The following MAP2K6 variants were observed in gnomAD, a reference collection of about 807,000 sequenced individuals.
The protein encoded by MAP2K6 is mitogen-activated protein kinase kinase 6.
Under a neutral mutation model 53.7 loss-of-function variants are expected in MAP2K6, and 16 were observed. The observed-to-expected ratio is 0.30, with a 90% CI of 0.20 to 0.45. MAP2K6 has a LOEUF of 0.45. MAP2K6 is among the 20% of genes least tolerant of loss of function. MAP2K6 has a pLI of 1.00. For missense variants in MAP2K6, 204 were observed against 411.9 expected (o/e 0.50, Z 4.37); for synonymous variants, 132 against 143.1 (o/e 0.92, Z 0.55).
At chr17:69,437,064 C>T (rs1237412243) in intron 1 of MAP2K6, among the ~76,000 whole-genome samples, 2 of 152,060 alleles carry the variant, frequency 1.3e-5, no homozygotes, top group East Asian at 1.9e-4. Flanking sequence ...TGACCTCAGG[C>T]GATCCTCCCG....
rs75876148 is a variant in MAP2K6, at chr17:69,454,766, C to G, written c.16+39766C>G. ...TTTTTGTTATTAAGGCAACATAGGA[C>G]AATTCAAAAGGTAAATTCAAGGACT... On this transcript the variant is annotated intron_variant, in intron 1 of 11. Transcript: ENST00000590474. 1.1e-4 allele frequency among the ~76,000 whole-genome samples: 16 copies of G among 152,070 alleles called. No homozygotes were observed. The East Asian group carries it at 3.1e-3, about 29-fold the overall frequency.
In MAP2K6 at chr17:69,429,478, G is replaced by A. The variant is rs117932437; in HGVS notation, c.16+14478G>A. The stretch of plus-strand genomic sequence containing the variant: ...GTGAGAGAGAGAGAGTAAGAACCAA[G>A]CCATGGCAAAGCTGATTTTTAGATA... On this transcript the variant is annotated intron_variant, in intron 1 of 11. Transcript: ENST00000590474. Among the ~76,000 whole-genome samples, 686 of 151,570 alleles carry A rather than the reference G, an allele frequency of 4.5e-3. 9 individuals are homozygous for A. The highest frequency in any genetic ancestry group is 0.027 in the Admixed American group (406 of 15,190).
chr17:69,429,885 G>A (rs1906401479), intron 1 of MAP2K6, among the ~76,000 whole-genome samples: 1 of 152,190 alleles, frequency 6.6e-6, no homozygotes, highest in East Asian at 1.9e-4. Flanking sequence ...GGAAGGTGAA[G>A]CTGGGGTGTG....
At chr17:69,454,304 T>C (rs1907327479) in intron 1 of MAP2K6, among the ~76,000 whole-genome samples, 1 of 152,162 alleles carries the variant, frequency 6.6e-6, no homozygotes, top group Non-Finnish European at 1.5e-5. Context: ...CCAGAGAAAA[T>C]GATCAGGGCA....
chr17:69,459,154 G>T (rs1361819396), intron 1 of MAP2K6, among the ~76,000 whole-genome samples: 1 of 151,982 alleles, frequency 6.6e-6, no homozygotes. Context: ...ACAAATTCAG[G>T]TTTACTGTGA....
chr17:69,431,343 A>G (rs980090379), intron 1 of MAP2K6, among the ~76,000 whole-genome samples: 5 of 149,340 alleles, frequency 3.3e-5, no homozygotes, highest in Non-Finnish European at 5.9e-5. Context: ...TATATTATGC[A>G]TATAATTATG....
intron 1 of MAP2K6, among the ~76,000 whole-genome samples, chr17:69,469,464 A>G (rs1367873447): frequency 6.6e-6 from 1 of 152,204 alleles, no homozygotes; most frequent in Non-Finnish European, 1.5e-5. Context: ...GAGTCAAATG[A>G]GAAAAGTATC....
chr17:69,423,008 C>T (rs942337393), intron 1 of MAP2K6, among the ~76,000 whole-genome samples: 5 of 152,068 alleles, frequency 3.3e-5, no homozygotes, highest in Admixed American at 1.3e-4. Flanking sequence ...CTCAGCCTCC[C>T]GAGTAGCTGG....
chr17:69,445,882 T>G (rs1231826943), intron 1 of MAP2K6, among the ~76,000 whole-genome samples: 1 of 152,246 alleles, frequency 6.6e-6, no homozygotes, highest in African/African-American at 2.4e-5. Flanking sequence ...GTAAAGCTTG[T>G]GCAGGTCTCT....
intron 1 of MAP2K6, among the ~76,000 whole-genome samples, chr17:69,425,308 T>TC: frequency 6.6e-6 from 1 of 152,058 alleles, no homozygotes; most frequent in South Asian, 2.1e-4. Context: ...AGCAATGAAT[T>TC]CTTTTTTTTT....
chr17:69,549,935 A>G lies in MAP2K6; in HGVS notation c.*8182A>G, dbSNP rs940453185. On this transcript the variant is annotated 3_prime_UTR_variant, in exon 12 of 12. Coordinates refer to ENST00000590474, the MANE Select transcript of MAP2K6 (RefSeq NM_002758.4). ...AGTGATAAATGCAAAGGTTGGTGCT[A>G]AATTAGGAACCCCTTGAAGGAGCAA... 2.6e-5 allele frequency: 4 copies of G among 152,140 alleles called. No individual in the cohort carries two copies. Among genetic ancestry groups the G allele is most frequent in the Non-Finnish European group, 5.9e-5 (4 of 68,018 alleles). 9.4% of individuals were successfully genotyped at this position (152,140 alleles called of 1,614,324 possible).
intron 1 of MAP2K6, among the ~76,000 whole-genome samples, chr17:69,447,226 G>A (rs1246700922): frequency 2.0e-5 from 3 of 151,770 alleles, no homozygotes; most frequent in Admixed American, 6.6e-5. Flanking sequence ...TGGTCCACCC[G>A]CCTCGGCCTC....
At chr17:69,415,355 G>A (rs1905865951) in intron 1 of MAP2K6, among the ~76,000 whole-genome samples, 1 of 152,148 alleles carries the variant, frequency 6.6e-6, no homozygotes, top group African/African-American at 2.4e-5. Flanking sequence ...AAGTAATTTT[G>A]TATGCAACAG....
At position 69,458,631 on chromosome 17, in the gene MAP2K6, C is replaced by T. The variant is rs926556363; in HGVS notation, c.16+43631C>T. ...AGTTTCCCTGTTGCTGTTAATAGCA[C>T]TATCGTTCTCCTACTGTCCCTAGAT... On this transcript the variant is annotated intron_variant, in intron 1 of 11. Coordinates refer to ENST00000590474, the MANE Select transcript of MAP2K6 (RefSeq NM_002758.4). Among the ~76,000 whole-genome samples, 5 of 152,228 alleles carry T rather than the reference C, an allele frequency of 3.3e-5. No individual in the cohort carries two copies. In the East Asian group the frequency reaches 9.6e-4, roughly 29 times the overall value.
chr17:69,512,670 A>G (rs888608551), intron 2 of MAP2K6, among the ~76,000 whole-genome samples: 6 of 152,038 alleles, frequency 3.9e-5, no homozygotes, highest in Non-Finnish European at 5.9e-5. Flanking sequence ...CACTTTCAAT[A>G]TTAATTGTTG....
chr17:69,444,939 A>C (rs2145151556), intron 1 of MAP2K6, among the ~76,000 whole-genome samples: 1 of 152,174 alleles, frequency 6.6e-6, no homozygotes, highest in African/African-American at 2.4e-5. Flanking sequence ...TTATTTTTTG[A>C]GATGAAGACT....
chr17:69,468,573 C>T (rs553487331), intron 1 of MAP2K6, among the ~76,000 whole-genome samples: 6 of 152,262 alleles, frequency 3.9e-5, no homozygotes, highest in African/African-American at 1.4e-4. Flanking sequence ...GGAAGGTATC[C>T]TTTGCGTAGG....
chr17:69,476,885 A>G (rs990739914), intron 1 of MAP2K6, among the ~76,000 whole-genome samples: 1 of 152,196 alleles, frequency 6.6e-6, no homozygotes, highest in Admixed American at 6.5e-5. Flanking sequence ...GAGCCCACAT[A>G]CAGCCTTTAT....
chr17:69,541,132 A>T (rs1322954727), intron 11 of MAP2K6, among the ~76,000 whole-genome samples: 1 of 152,132 alleles, frequency 6.6e-6, no homozygotes, highest in Non-Finnish European at 1.5e-5. Flanking sequence ...GCATGGTGGC[A>T]TGCACCTGTA....
Sources: allele counts gnomAD v4.1 joint callset (sites outside exome capture counted in the v4.1 genomes callset), GRCh38; gene constraint gnomAD v4.1.1; transcripts MANE v1.5; gene names NCBI Gene and HGNC (gene_info 2026-07-23, HGNC 2026-07-21).